LUZP2: variants seen among roughly 807,000 people sequenced by gnomAD.
The protein encoded by LUZP2 is leucine zipper protein 2.
Under a neutral mutation model 51.6 loss-of-function variants are expected in LUZP2, and 52 were observed. The observed-to-expected ratio is 1.01, with a 90% CI of 0.81 to 1.27. The LOEUF is 1.27. LUZP2 is among the 50% of genes most tolerant of loss of function. The pLI is 0.00. For missense variants in LUZP2, 436 were observed against 395.4 expected, an observed-to-expected ratio of 1.10 and a Z score of -0.87; for synonymous variants, 154 against 137.3, an observed-to-expected ratio of 1.12 and a Z score of -0.85.
chr11:24,950,262 G>T (rs746108061), intron 7 of LUZP2, among the ~76,000 whole-genome samples: 12 of 151,436 alleles, frequency 7.9e-5, no homozygotes, highest in Non-Finnish European at 1.3e-4. Context: ...AGAAATGCAA[G>T]AAAGAGGAAA....
At chr11:24,785,802 TCTC>T (rs1354244264) in intron 5 of LUZP2, 52 of 924,944 alleles carry the variant, frequency 5.6e-5, no homozygotes, top group Non-Finnish European at 6.5e-5. Context: ...AGCCCACACT[TCTC>T]CTTTCACAGA....
At chr11:24,646,571 C>T in intron 1 of LUZP2, 1 of 984,576 alleles carries the variant, frequency 1.0e-6, no homozygotes, top group Non-Finnish European at 1.2e-6. Flanking sequence ...GCTGGAACCT[C>T]CATATCCATA....
At chr11:24,894,801 A>G (rs2133765498) in intron 5 of LUZP2, among the ~76,000 whole-genome samples, 1 of 152,298 alleles carries the variant, frequency 6.6e-6, no homozygotes, top group South Asian at 2.1e-4. Flanking sequence ...TCTAGACTTT[A>G]TGTATGATAG....
chr11:24,938,499 A>T lies in LUZP2; in HGVS notation c.522+23961A>T, dbSNP rs142548929. Among the ~76,000 whole-genome samples the T allele has an allele frequency of 1.3e-3, 191 of 152,276 alleles. 2 individuals are homozygous for T. Among genetic ancestry groups the T allele is most frequent in the African/African-American group, 4.3e-3 (180 of 41,574 alleles). On this transcript the variant is annotated intron_variant, in intron 7 of 11. Coordinates refer to ENST00000336930, the MANE Select transcript of LUZP2 (RefSeq NM_001009909.4). ...CTTTGTTCTATCTTGGGCAAATTTG[A>T]TATGCTGATATACTGAAAATTTATT...
chr11:24,782,349 G>A (rs10834484), intron 5 of LUZP2, among the ~76,000 whole-genome samples: 19,544 of 151,950 alleles, frequency 0.13, 1,471 homozygotes, highest in East Asian at 0.4. Context: ...GGGAAGAGCA[G>A]AACCACTGAT....
chr11:24,795,855 G>T (rs1849532520), intron 5 of LUZP2, among the ~76,000 whole-genome samples: 1 of 151,966 alleles, frequency 6.6e-6, no homozygotes, highest in Non-Finnish European at 1.5e-5. Flanking sequence ...ACACTTGCCT[G>T]CCTAATCCTG....
chr11:24,895,401 G>A (rs1163503438), intron 5 of LUZP2, among the ~76,000 whole-genome samples: 1 of 152,024 alleles, frequency 6.6e-6, no homozygotes. Context: ...GGGGGTGCAT[G>A]TGTAGGTGTG....
At chr11:24,763,105 A>AT (rs11414451) in intron 4 of LUZP2, 141 bp from the exon 5 acceptor site, 55,226 of 523,230 alleles carry the variant, frequency 0.11, 3,335 homozygotes, top group African/African-American at 0.15. Flanking sequence ...GAAGGTTTTG[A>AT]TTAAGGAACA....
chr11:24,741,081 A>G (rs188261416), intron 4 of LUZP2, among the ~76,000 whole-genome samples: 4 of 152,214 alleles, frequency 2.6e-5, no homozygotes, highest in African/African-American at 7.2e-5. Flanking sequence ...AATATATTCA[A>G]TTGTTCATAC....
rs181947173 is a variant in LUZP2 at position 24,622,235 on chromosome 11, C to T, written c.63-106934C>T. On this transcript the variant is annotated intron_variant, in intron 1 of 11. Transcript: ENST00000336930. ...TGTTGGTGTGCTGCACCCATTAACTCGTCATTTACATTAGGTATATCTCCT... is the reference window on the plus strand; with the variant it reads ...TGTTGGTGTGCTGCACCCATTAACTTGTCATTTACATTAGGTATATCTCCT... 1.1e-3 allele frequency among the ~76,000 whole-genome samples: 151 copies of T among 140,882 alleles called. 1 individual carries two copies. Among genetic ancestry groups the T allele is most frequent in the African/African-American group, 3.6e-3 (144 of 39,904 alleles). The allele number at this position is 140,882 out of a possible 152,430, so 92.4% of individuals were successfully genotyped here.
At chr11:24,740,553 G>A (rs1055115793) in intron 4 of LUZP2, among the ~76,000 whole-genome samples, 5 of 152,080 alleles carry the variant, frequency 3.3e-5, no homozygotes, top group Admixed American at 6.6e-5. Context: ...TAAATTTCTA[G>A]TAGGCCATGT....
chr11:24,551,622 C>A (rs1219930134), intron 1 of LUZP2, among the ~76,000 whole-genome samples: 7 of 151,442 alleles, frequency 4.6e-5, no homozygotes, highest in Non-Finnish European at 1.0e-4. Context: ...TTTTAAAAAC[C>A]CAAGTGACAA....
At chr11:24,528,385 A>G (rs1348454407) in intron 1 of LUZP2, among the ~76,000 whole-genome samples, 1 of 151,326 alleles carries the variant, frequency 6.6e-6, no homozygotes, top group Non-Finnish European at 1.5e-5. Context: ...TTAGTCACCA[A>G]AGAACATCTC....
At chr11:25,059,176 G>A (rs1044824142) in intron 10 of LUZP2, among the ~76,000 whole-genome samples, 3 of 152,258 alleles carry the variant, frequency 2.0e-5, no homozygotes, top group South Asian at 4.1e-4. Flanking sequence ...ATCTTTTAGA[G>A]TAAGATCATA....
At chr11:25,040,895 C>A (rs986587681) in intron 9 of LUZP2, among the ~76,000 whole-genome samples, 3 of 152,126 alleles carry the variant, frequency 2.0e-5, no homozygotes, top group Non-Finnish European at 4.4e-5. Context: ...GGAGAGTCCA[C>A]TGCATGTGTG....
In LUZP2 at chr11:24,729,286, G is replaced by A. The variant is rs529370036; in HGVS notation, c.180G>A (p.Gln60=). 2.3e-4 allele frequency: 352 copies of A among 1,508,646 alleles called. 13 individuals are homozygous for A. In the South Asian group the frequency reaches 2.9e-3, roughly 12 times the overall value. 93.5% of individuals were successfully genotyped at this position (1,508,646 alleles called of 1,614,324 possible). The change falls in exon 2 of 12, where the codon CAG becomes CAA. Residue 60 remains glutamine, a splice_region_variant and synonymous_variant. Coordinates refer to ENST00000336930, the MANE Select transcript of LUZP2 (RefSeq NM_001009909.4). The part of the protein sequence containing the change: ...RELDGIKVNL[Q]SLKNDEQSAK... ...TTGATGGAATTAAAGTCAATCTTCA[G>A]GTGAGATGAGAACTCATTTTCCGAG...
chr11:24,803,946 T>G (rs761064317), intron 5 of LUZP2, among the ~76,000 whole-genome samples: 20 of 143,446 alleles, frequency 1.4e-4, no homozygotes, highest in Non-Finnish European at 2.1e-4. Flanking sequence ...CATAGGAGAT[T>G]AGAATAAAGC....
chr11:24,811,661 C>T (rs1470620879), intron 5 of LUZP2, among the ~76,000 whole-genome samples: 1 of 151,988 alleles, frequency 6.6e-6, no homozygotes, highest in Non-Finnish European at 1.5e-5. Context: ...TGAGGCACAT[C>T]CCACATTCTG....
chr11:25,025,883 C>G (rs574298074), intron 9 of LUZP2, among the ~76,000 whole-genome samples: 16 of 152,102 alleles, frequency 1.1e-4, no homozygotes, highest in African/African-American at 7.2e-5. Flanking sequence ...GCAAAGACTT[C>G]GAACCAACCC....
Sources: allele counts gnomAD v4.1 joint callset (sites outside exome capture counted in the v4.1 genomes callset), GRCh38; gene constraint gnomAD v4.1.1; transcripts MANE v1.5; gene names NCBI Gene and HGNC (gene_info 2026-07-23, HGNC 2026-07-21).